The following TEAD1 variants were observed in gnomAD, a reference collection of about 807,000 sequenced individuals.
TEAD1 encodes TEA domain transcription factor 1.
TEAD1 carries 9 observed loss-of-function variants against 54.9 expected under a neutral mutation model. That is an observed-to-expected ratio of 0.16 (90% CI 0.10 to 0.29). The LOEUF (loss-of-function observed/expected upper bound fraction) is 0.29. Ranked by LOEUF, TEAD1 falls within the 10% of genes least tolerant of loss-of-function variation. The probability of loss-of-function intolerance (pLI) is 1.00; values close to 1 mark genes in which losing one functional copy is unlikely to be tolerated. For synonymous variants in TEAD1, 200 were observed against 187.8 expected (o/e 1.07, Z -0.53); for missense variants, 387 against 535.9 (o/e 0.72, Z 2.74).
chr11:12,804,975 C>T (rs926024572), intron 3 of TEAD1, among the ~76,000 whole-genome samples: 1 of 152,204 alleles, frequency 6.6e-6, no homozygotes, highest in Non-Finnish European at 1.5e-5. Flanking sequence ...AGAAGCAGCA[C>T]ATTTGTCCAG....
intron 3 of TEAD1, among the ~76,000 whole-genome samples, chr11:12,776,757 TTTATTATTATTATTATTATTA>T (rs71037087): frequency 6.5e-5 from 9 of 137,720 alleles, no homozygotes; most frequent in East Asian, 2.1e-4. Context: ...CATTTGGATA[TTTATTATTATTATTATTATTA>T]TTATTATTAT....
intron 3 of TEAD1, among the ~76,000 whole-genome samples, chr11:12,821,856 A>G (rs1188108586): frequency 6.7e-6 from 1 of 149,352 alleles, no homozygotes; most frequent in Non-Finnish European, 1.5e-5. Context: ...TCGTTCTCTC[A>G]CTTTACCTAC....
chr11:12,700,117 A>C (rs534097641), intron 2 of TEAD1, among the ~76,000 whole-genome samples: 1 of 152,364 alleles, frequency 6.6e-6, no homozygotes, highest in Non-Finnish European at 1.5e-5. Flanking sequence ...ATTAGGAAAA[A>C]TAAAATATTT....
At chr11:12,916,068 TC>T (rs543995410) in intron 10 of TEAD1, among the ~76,000 whole-genome samples, 1,606 of 152,288 alleles carry the variant, frequency 0.011, 13 homozygotes, top group Middle Eastern at 0.024. Flanking sequence ...GGCTTCTGCT[TC>T]GACTTTTTGT....
chr11:12,746,711 G>T (rs182720074), intron 2 of TEAD1, among the ~76,000 whole-genome samples: 1 of 152,138 alleles, frequency 6.6e-6, no homozygotes, highest in Non-Finnish European at 1.5e-5. Flanking sequence ...GCCCGCATGC[G>T]TGGTTTAGGC....
intron 3 of TEAD1, among the ~76,000 whole-genome samples, chr11:12,804,605 A>G (rs925963211): frequency 1.3e-5 from 2 of 152,172 alleles, no homozygotes; most frequent in Admixed American, 1.3e-4. Flanking sequence ...GTGCGATCAC[A>G]GTAAGTTTGT....
intron 2 of TEAD1, among the ~76,000 whole-genome samples, chr11:12,732,257 A>T (rs1180443875): frequency 2.0e-5 from 3 of 152,178 alleles, no homozygotes; most frequent in Non-Finnish European, 4.4e-5. Flanking sequence ...GTGTCAAATG[A>T]TTCAGCAAAT....
chr11:12,854,247 C>G (rs7945921), intron 3 of TEAD1, among the ~76,000 whole-genome samples: 11 of 151,972 alleles, frequency 7.2e-5, no homozygotes, highest in African/African-American at 9.7e-5. Context: ...GCCTGTGCCC[C>G]TTCTCCCTCC....
In TEAD1 at chr11:12,807,655, C is replaced by T. The variant is rs1946203783; in HGVS notation, c.202+43221C>T. Among the ~76,000 whole-genome samples, 3 of 152,198 alleles carry T rather than the reference C, an allele frequency of 2.0e-5. No homozygotes were observed. The South Asian group carries it at 6.2e-4, about 32-fold the overall frequency. On this transcript the variant is annotated intron_variant, in intron 3 of 12. Coordinates refer to ENST00000527636, the MANE Select transcript of TEAD1 (RefSeq NM_021961.6). ...ATTAGCTCACTTGTGTAAGGAAGGCCTATGGGTTTATAGAAAGGTAACATT... is the reference window on the plus strand; with the variant it reads ...ATTAGCTCACTTGTGTAAGGAAGGCTTATGGGTTTATAGAAAGGTAACATT...
chr11:12,821,631 A>G lies in TEAD1; in HGVS notation c.203-40619A>G, dbSNP rs534197275. 5.3e-5 allele frequency among the ~76,000 whole-genome samples: 8 copies of G among 152,168 alleles called. No homozygotes were observed. In the South Asian group the frequency reaches 8.3e-4, roughly 16 times the overall value. ...ACCATGACTTTTATTTTTTGACTCT[A>G]TAGTGTAGGAACATCTTAATTAAAG... is the stretch of plus-strand genomic sequence containing the variant. On this transcript the variant is annotated intron_variant, in intron 3 of 12. Transcript: ENST00000527636.
At chr11:12,790,345 T>C (rs1023048980) in intron 3 of TEAD1, among the ~76,000 whole-genome samples, 3 of 152,174 alleles carry the variant, frequency 2.0e-5, no homozygotes, top group Non-Finnish European at 4.4e-5. Context: ...ATTTTACCTC[T>C]TGGGGTTCAT....
intron 3 of TEAD1, among the ~76,000 whole-genome samples, chr11:12,805,624 A>G (rs776323180): frequency 1.3e-5 from 2 of 152,228 alleles, no homozygotes; most frequent in Non-Finnish European, 2.9e-5. Context: ...CCAGATTGCT[A>G]TGAGAGATAG....
At chr11:12,805,697 G>A (rs1213042713) in intron 3 of TEAD1, among the ~76,000 whole-genome samples, 1 of 152,170 alleles carries the variant, frequency 6.6e-6, no homozygotes, top group African/African-American at 2.4e-5. Context: ...AGCCCATGGA[G>A]TTTTAGAAAT....
intron 10 of TEAD1, chr11:12,904,891 C>T: frequency 8.5e-6 from 3 of 352,022 alleles, no homozygotes; most frequent in Non-Finnish European, 1.6e-5. Flanking sequence ...AATTCAAAAC[C>T]CAGGAAAGGC....
chr11:12,757,170 T>G (rs1944999532), intron 2 of TEAD1, among the ~76,000 whole-genome samples: 1 of 152,212 alleles, frequency 6.6e-6, no homozygotes, highest in Non-Finnish European at 1.5e-5. Context: ...CTCTTAGTGC[T>G]CGTCCCGTTG....
chr11:12,805,491 A>G (rs766035324), intron 3 of TEAD1, among the ~76,000 whole-genome samples: 18 of 152,228 alleles, frequency 1.2e-4, no homozygotes, highest in South Asian at 6.2e-4. Flanking sequence ...ATCATGTAAC[A>G]TATCCTAGCC....
chr11:12,792,261 C>G (rs545197169), intron 3 of TEAD1, among the ~76,000 whole-genome samples: 16 of 150,814 alleles, frequency 1.1e-4, no homozygotes, highest in Middle Eastern at 3.4e-3. Flanking sequence ...TATTTTCTCT[C>G]TAGGCCACTG....
intron 2 of TEAD1, among the ~76,000 whole-genome samples, chr11:12,727,752 A>T: frequency 6.6e-6 from 1 of 152,184 alleles, no homozygotes; most frequent in Non-Finnish European, 1.5e-5. Context: ...TGCCGTAGAT[A>T]AGAAAATTCC....
intron 3 of TEAD1, among the ~76,000 whole-genome samples, chr11:12,774,265 G>A (rs556503622): frequency 1.3e-5 from 2 of 152,304 alleles, no homozygotes; most frequent in Admixed American, 6.5e-5. Flanking sequence ...GAATGTGGGC[G>A]ATGGACATGG....
Sources: allele counts gnomAD v4.1 joint callset (sites outside exome capture counted in the v4.1 genomes callset), GRCh38; gene constraint gnomAD v4.1.1; transcripts MANE v1.5; gene names NCBI Gene and HGNC (gene_info 2026-07-23, HGNC 2026-07-21).